Variants in SEMA3C observed in about 807,000 individuals in gnomAD.
SEMA3C encodes semaphorin-3C.
SEMA3C carries 47 observed loss-of-function variants against 89.4 expected under a neutral mutation model. That is an observed-to-expected ratio of 0.53 (90% CI 0.42 to 0.67). The LOEUF (loss-of-function observed/expected upper bound fraction) is 0.67, where lower values mean the gene tolerates loss of function less well. SEMA3C is among the 30% of genes least tolerant of loss of function. SEMA3C has a pLI of 0.00. For synonymous variants in SEMA3C, 310 were observed against 320.2 expected (o/e 0.97, Z 0.34); for missense variants, 839 against 929.1 (o/e 0.90, Z 1.26).
intron 2 of SEMA3C, among the ~76,000 whole-genome samples, chr7:80,834,269 T>C (rs1200391591): frequency 2.6e-5 from 4 of 152,194 alleles, no homozygotes; most frequent in Non-Finnish European, 5.9e-5. Flanking sequence ...GGAAAATTAC[T>C]GTAATGTCTT....
At chr7:80,877,580 C>T (rs1404971776) in intron 2 of SEMA3C, among the ~76,000 whole-genome samples, 1 of 152,138 alleles carries the variant, frequency 6.6e-6, no homozygotes, top group African/African-American at 2.4e-5. Context: ...GGTCACTATA[C>T]TTCAAACAGT....
At chr7:80,864,238 TG>T (rs1562912684) in intron 2 of SEMA3C, among the ~76,000 whole-genome samples, 1 of 151,284 alleles carries the variant, frequency 6.6e-6, no homozygotes, top group Non-Finnish European at 1.5e-5. Flanking sequence ...TTTGGGGACT[TG>T]GGGGGAAGAG....
intron 15 of SEMA3C, among the ~76,000 whole-genome samples, chr7:80,753,163 C>T (rs1443803834): frequency 3.3e-5 from 5 of 152,002 alleles, no homozygotes; most frequent in South Asian, 2.1e-4. Flanking sequence ...TGACCCGTAC[C>T]GATTGTGTAT....
chr7:80,771,739 G>A (rs1262727775), intron 12 of SEMA3C, among the ~76,000 whole-genome samples: 3 of 152,070 alleles, frequency 2.0e-5, no homozygotes, highest in African/African-American at 7.2e-5. Flanking sequence ...TTTCCCCTGC[G>A]CTTCTGAGGG....
intron 16 of SEMA3C, among the ~76,000 whole-genome samples, chr7:80,750,549 C>A (rs907376992): frequency 1.4e-5 from 2 of 143,986 alleles, no homozygotes; most frequent in Non-Finnish European, 1.5e-5. Flanking sequence ...AAATACAATT[C>A]ATCCTTAAAC....
chr7:80,760,438 T>C (rs767800369), intron 14 of SEMA3C, among the ~76,000 whole-genome samples: 1 of 152,156 alleles, frequency 6.6e-6, no homozygotes, highest in Non-Finnish European at 1.5e-5. Flanking sequence ...CCTAGGACAT[T>C]AGACAAAATG....
upstream of SEMA3C, chr7:80,919,272 A>T (rs1792358724): frequency 1.0e-6 from 1 of 985,070 alleles, no homozygotes; most frequent in East Asian, 1.1e-4. Flanking sequence ...CGACCCTTAG[A>T]GCTCGCGGCT....
intron 2 of SEMA3C, among the ~76,000 whole-genome samples, chr7:80,890,640 A>C (rs964188662): frequency 3.3e-5 from 5 of 152,170 alleles, no homozygotes; most frequent in Non-Finnish European, 5.9e-5. Flanking sequence ...GACACATGAT[A>C]AACTACAAAG....
rs1464663055 is a variant in SEMA3C, at chr7:80,905,819, T to C, written c.103+10860A>G. The C allele has an allele frequency of 1.3e-5, 17 of 1,272,476 alleles. No individual in the cohort carries two copies. The East Asian group carries it at 5.6e-4, about 42-fold the overall frequency. 78.8% of individuals were successfully genotyped at this position (1,272,476 alleles called of 1,614,324 possible). ...GTGTAATATTTACATGGTTGGCTTA[T>C]GCCACTTACTAGAGTAGGTGGTTGC... On this transcript the variant is annotated intron_variant, in intron 2 of 17. Transcript: ENST00000265361.
chr7:80,750,238 A>T (rs532222127), intron 16 of SEMA3C, among the ~76,000 whole-genome samples: 1 of 151,866 alleles, frequency 6.6e-6, no homozygotes, highest in South Asian at 2.1e-4. Context: ...AAGTATTGTA[A>T]CATGGTAACT....
At chr7:80,821,432 G>C (rs1445327813) in intron 4 of SEMA3C, among the ~76,000 whole-genome samples, 1 of 151,888 alleles carries the variant, frequency 6.6e-6, no homozygotes, top group East Asian at 1.9e-4. Context: ...TTTTTTGGGG[G>C]GGTGGGCGAC....
At chr7:80,802,097 G>C (rs775147275) in intron 9 of SEMA3C, among the ~76,000 whole-genome samples, 2 of 152,000 alleles carry the variant, frequency 1.3e-5, no homozygotes, top group African/African-American at 4.8e-5. Flanking sequence ...TAAAAAAACT[G>C]TTCCTTGGCA....
intron 2 of SEMA3C, among the ~76,000 whole-genome samples, chr7:80,910,631 A>T (rs1255941298): frequency 6.6e-6 from 1 of 150,946 alleles, no homozygotes; most frequent in African/African-American, 2.4e-5. Context: ...CAAAGCTCAC[A>T]GCTCTATTTC....
chr7:80,748,122 C>G (rs1583838199), intron 17 of SEMA3C, among the ~76,000 whole-genome samples: 2 of 152,242 alleles, frequency 1.3e-5, no homozygotes, highest in East Asian at 1.9e-4. Flanking sequence ...CAACTTTATG[C>G]TGCACAAATG....
At chr7:80,918,653 A>G (rs1043003192) in intron 1 of SEMA3C, among the ~76,000 whole-genome samples, 175 bp downstream of exon 1, 1 of 152,188 alleles carries the variant, frequency 6.6e-6, no homozygotes, top group African/African-American at 2.4e-5. Flanking sequence ...GTCACCGCCT[A>G]AAGAAACAAC....
At chr7:80,889,388 C>A (rs1002818957) in intron 2 of SEMA3C, among the ~76,000 whole-genome samples, 2 of 151,980 alleles carry the variant, frequency 1.3e-5, no homozygotes, top group African/African-American at 4.8e-5. Context: ...CATCTTTCTG[C>A]GTTATGAATA....
chr7:80,750,501 C>CACACACAT (rs1491150835), intron 16 of SEMA3C, among the ~76,000 whole-genome samples: 1 of 135,938 alleles, frequency 7.4e-6, no homozygotes, highest in African/African-American at 2.8e-5. Context: ...CACACACACA[C>CACACACAT]ATACACACAC....
chr7:80,838,635 G>GA (rs1790193080), intron 2 of SEMA3C, among the ~76,000 whole-genome samples: 1 of 152,122 alleles, frequency 6.6e-6, no homozygotes, highest in Non-Finnish European at 1.5e-5. Context: ...TCATATACAA[G>GA]AGGTTTAATT....
chr7:80,876,841 A>C (rs1056591422), intron 2 of SEMA3C, among the ~76,000 whole-genome samples: 1 of 152,198 alleles, frequency 6.6e-6, no homozygotes, highest in Non-Finnish European at 1.5e-5. Flanking sequence ...GCGTGAAAAC[A>C]CTTGTCAGTA....
Sources: allele counts gnomAD v4.1 joint callset (sites outside exome capture counted in the v4.1 genomes callset), GRCh38; gene constraint gnomAD v4.1.1; transcripts MANE v1.5; gene names NCBI Gene and HGNC (gene_info 2026-07-23, HGNC 2026-07-21).